The following RIPOR2 variants were observed in gnomAD, a reference collection of about 807,000 sequenced individuals.
RIPOR2 encodes RHO family interacting cell polarization regulator 2.
RIPOR2 carries 39 observed loss-of-function variants against 114.5 expected under a neutral mutation model. The observed-to-expected ratio is 0.34, with a 90% CI of 0.26 to 0.44. The LOEUF (loss-of-function observed/expected upper bound fraction) is 0.44. RIPOR2 is among the 20% of genes least tolerant of loss of function. The pLI is 1.00. For synonymous variants in RIPOR2, 445 were observed against 484.4 expected (o/e 0.92, Z 1.07); for missense variants, 1,007 against 1,255.1 (o/e 0.80, Z 2.99).
At chr6:24,993,599 G>GT (rs1774927554) in intron 1 of RIPOR2, among the ~76,000 whole-genome samples, 1 of 152,220 alleles carries the variant, frequency 6.6e-6, no homozygotes, top group Non-Finnish European at 1.5e-5. Context: ...CATGAAAGAG[G>GT]TTAATGGTGT....
intron 8 of RIPOR2, among the ~76,000 whole-genome samples, chr6:24,859,120 C>T (rs924052088): frequency 2.0e-5 from 3 of 152,300 alleles, no homozygotes; most frequent in African/African-American, 7.2e-5. Context: ...TTAAGTGTGA[C>T]TCCTGGGACA....
intron 1 of RIPOR2, among the ~76,000 whole-genome samples, chr6:24,908,013 T>C (rs1769168881): frequency 6.6e-6 from 1 of 150,622 alleles, no homozygotes; most frequent in Non-Finnish European, 1.5e-5. Flanking sequence ...TTGTCTGTTT[T>C]CAGCTGTTAT....
intron 1 of RIPOR2, among the ~76,000 whole-genome samples, chr6:25,031,747 A>C (rs1271593185): frequency 2.7e-5 from 2 of 73,476 alleles, no homozygotes; most frequent in South Asian, 4.7e-4. Flanking sequence ...ATATATATAT[A>C]TATAAAATAT....
chr6:24,865,498 A>C (rs1019261184), intron 6 of RIPOR2, 48 bp from the exon 7 acceptor site: 7 of 1,484,154 alleles, frequency 4.7e-6, no homozygotes, highest in Non-Finnish European at 6.5e-6. Flanking sequence ...GGCTTGAAAG[A>C]AAATACATAG....
intron 8 of RIPOR2, among the ~76,000 whole-genome samples, chr6:24,857,682 G>A (rs1260935285): frequency 1.3e-5 from 2 of 152,208 alleles, no homozygotes; most frequent in Non-Finnish European, 2.9e-5. Context: ...AATAATGCAA[G>A]TTTACTAGCT....
chr6:24,856,102 G>T (rs1763446460), intron 8 of RIPOR2, among the ~76,000 whole-genome samples: 1 of 151,936 alleles, frequency 6.6e-6, no homozygotes, highest in Admixed American at 6.6e-5. Flanking sequence ...ACTTATAAAC[G>T]TTGCGTGGGT....
upstream of RIPOR2, among the ~76,000 whole-genome samples, chr6:24,937,238 G>C (rs920284245): frequency 6.6e-6 from 1 of 152,208 alleles, no homozygotes; most frequent in African/African-American, 2.4e-5. Context: ...ATCCTTAGAG[G>C]AGAGCTTGGA....
chr6:25,035,070 G>T (rs528544864), intron 1 of RIPOR2, among the ~76,000 whole-genome samples: 4 of 152,308 alleles, frequency 2.6e-5, no homozygotes, highest in African/African-American at 9.6e-5. Context: ...TTTTATGCCA[G>T]TATAAACACT....
chr6:24,884,239 C>T (rs548141155), intron 1 of RIPOR2, among the ~76,000 whole-genome samples: 26 of 151,982 alleles, frequency 1.7e-4, no homozygotes, highest in African/African-American at 6.3e-4. Context: ...AAACCCCCGC[C>T]TCTACTAAAA....
At chr6:24,863,687 GA>G (rs1476110056) in intron 7 of RIPOR2, among the ~76,000 whole-genome samples, 1 of 152,150 alleles carries the variant, frequency 6.6e-6, no homozygotes, top group Non-Finnish European at 1.5e-5. Context: ...GATGAAGGTA[GA>G]AAACAAGCCA....
intron 1 of RIPOR2, chr6:25,023,250 A>G (rs1776419368): frequency 1.4e-6 from 1 of 710,160 alleles, no homozygotes; most frequent in Admixed American, 1.8e-5. Flanking sequence ...ACAGGGGTCT[A>G]TTTGGCAGTG....
At chr6:24,872,825 A>T (rs1765330049) in intron 4 of RIPOR2, 56 bp downstream of exon 4, 1 of 1,175,496 alleles carries the variant, frequency 8.5e-7, no homozygotes, top group Non-Finnish European at 1.3e-6. Context: ...CCAGTAAAAG[A>T]AGCTATTTGG....
chr6:24,985,387 A>G (rs1300188348), intron 1 of RIPOR2, among the ~76,000 whole-genome samples: 1 of 151,396 alleles, frequency 6.6e-6, no homozygotes, highest in Non-Finnish European at 1.5e-5. Context: ...TTTTTTAACC[A>G]GTAAAATAAA....
intron 1 of RIPOR2, among the ~76,000 whole-genome samples, chr6:25,017,542 G>A (rs1365108169): frequency 3.9e-5 from 6 of 152,202 alleles, no homozygotes; most frequent in Non-Finnish European, 7.3e-5. Context: ...TAATTCAGGT[G>A]TCCCCTCTTC....
chr6:25,001,478 A>C (rs1384968769), intron 1 of RIPOR2, among the ~76,000 whole-genome samples: 1 of 151,938 alleles, frequency 6.6e-6, no homozygotes, highest in South Asian at 2.1e-4. Context: ...CAAAAAAATT[A>C]GCTGGGCGCG....
At chr6:24,832,645 T>C (rs370731492) in intron 15 of RIPOR2, among the ~76,000 whole-genome samples, 1 of 152,240 alleles carries the variant, frequency 6.6e-6, no homozygotes, top group Non-Finnish European at 1.5e-5. Context: ...ACAAGGTTAT[T>C]ATAAAGCTGC....
chr6:24,828,462 C>T (rs1310251765), intron 17 of RIPOR2, among the ~76,000 whole-genome samples, 167 bp from the exon 18 acceptor site: 2 of 152,066 alleles, frequency 1.3e-5, no homozygotes, highest in East Asian at 1.9e-4. Flanking sequence ...CCTCAGTTTC[C>T]CAAGTAGATG....
chr6:25,017,229 C>G (rs558922917), intron 1 of RIPOR2, among the ~76,000 whole-genome samples: 1 of 152,192 alleles, frequency 6.6e-6, no homozygotes, highest in South Asian at 2.1e-4. Flanking sequence ...GGCTGAGGCA[C>G]GAAAATCACT....
intron 16 of RIPOR2, among the ~76,000 whole-genome samples, chr6:24,831,188 C>T (rs1760664652): frequency 6.6e-6 from 1 of 152,120 alleles, no homozygotes; most frequent in East Asian, 1.9e-4. Flanking sequence ...TGACGAGGAA[C>T]TCATCCTGCT....
Sources: allele counts gnomAD v4.1 joint callset (sites outside exome capture counted in the v4.1 genomes callset), GRCh38; gene constraint gnomAD v4.1.1; transcripts MANE v1.5; gene names NCBI Gene and HGNC (gene_info 2026-07-23, HGNC 2026-07-21).